Variants in CFAP61 observed in about 807,000 individuals in gnomAD.
CFAP61 encodes cilia and flagella associated protein 61.
CFAP61 carries 107 observed loss-of-function variants against 135.6 expected under a neutral mutation model. The ratio of observed to expected loss-of-function variants is 0.79; its 90% confidence interval spans 0.67 to 0.93. CFAP61 has a LOEUF of 0.93. Among genes scored for constraint, CFAP61 ranks in the 40% least tolerant of loss-of-function variants. The pLI, the probability that CFAP61 is intolerant of heterozygous loss-of-function variation, is 0.00. For missense variants in CFAP61, 1,507 were observed against 1,556.2 expected (o/e 0.97, Z 0.53); for synonymous variants, 575 against 578.5 (o/e 0.99, Z 0.09).
At chr20:20,224,842 C>T (rs1004379884) in intron 17 of CFAP61, among the ~76,000 whole-genome samples, 3 of 152,142 alleles carry the variant, frequency 2.0e-5, no homozygotes, top group Non-Finnish European at 2.9e-5. Context: ...GCTTACAATT[C>T]GCCCTGTTTA....
rs370493968 is a variant in CFAP61 at position 20,088,730 on chromosome 20, C to A, written c.567-2114C>A. Among the ~76,000 whole-genome samples, 35 of 152,282 alleles carry A rather than the reference C, an allele frequency of 2.3e-4. No homozygotes were observed. The East Asian group carries it at 4.8e-3, about 21-fold the overall frequency. The stretch of plus-strand genomic sequence containing the variant: ...CCCTCCCATCCCGAGTTGTCATCTT[C>A]TGTGTGTGTTTTTTCCTCCTTGTAC... On this transcript the variant is annotated intron_variant, in intron 6 of 26. Coordinates refer to ENST00000245957, the MANE Select transcript of CFAP61 (RefSeq NM_015585.4).
intron 1 of CFAP61, chr20:20,055,906 T>C (rs970563899): frequency 1.4e-6 from 2 of 1,441,864 alleles, no homozygotes; most frequent in South Asian, 1.2e-5. Context: ...CTTACAGAAA[T>C]TGAGACAATG....
intron 25 of CFAP61, among the ~76,000 whole-genome samples, chr20:20,324,900 T>C (rs2057687557): frequency 6.6e-6 from 1 of 152,242 alleles, no homozygotes; most frequent in Non-Finnish European, 1.5e-5. Context: ...GTTGCCTGTT[T>C]CTTTTTCATT....
intron 2 of CFAP61, among the ~76,000 whole-genome samples, chr20:20,058,147 G>A (rs954884577): frequency 6.6e-6 from 1 of 152,168 alleles, no homozygotes; most frequent in African/African-American, 2.4e-5. Flanking sequence ...ATTAAAGTTT[G>A]TAGTTTCTAA....
chr20:20,304,314 G>C (rs1271759228), intron 25 of CFAP61, among the ~76,000 whole-genome samples: 2 of 151,868 alleles, frequency 1.3e-5, no homozygotes, highest in Admixed American at 1.3e-4. Flanking sequence ...GAGAGAGAGA[G>C]AGAGAGAGAG....
intron 17 of CFAP61, among the ~76,000 whole-genome samples, chr20:20,220,430 T>C (rs1379167084): frequency 1.3e-5 from 2 of 152,164 alleles, no homozygotes; most frequent in South Asian, 2.1e-4. Flanking sequence ...TAGCAAATTA[T>C]CGAACCTAAG....
chr20:20,342,100 G>C (rs1283038782), intron 26 of CFAP61, among the ~76,000 whole-genome samples, 179 bp downstream of exon 26: 1 of 152,230 alleles, frequency 6.6e-6, no homozygotes, highest in Non-Finnish European at 1.5e-5. Flanking sequence ...TTCAGGGGAA[G>C]TGATTTTATT....
intron 20 of CFAP61, among the ~76,000 whole-genome samples, chr20:20,257,637 A>G (rs1211794966): frequency 6.6e-6 from 1 of 151,610 alleles, no homozygotes; most frequent in African/African-American, 2.4e-5. Context: ...ACAAAAAAAA[A>G]AAAGAAAAAG....
rs1194899925 is a variant in CFAP61, at chr20:20,129,836, T to G, written c.860-13021T>G. Among the ~76,000 whole-genome samples the G allele has an allele frequency of 3.3e-5, 5 of 151,632 alleles. 1 individual carries two copies. Among genetic ancestry groups the G allele is most frequent in the African/African-American group, 9.8e-5 (4 of 40,960 alleles). ...TCCTCTGCTTGATCCATTCTGCTCT[T>G]GAGGGCCTCCAGTGAATTTTTCAGT... On this transcript the variant is annotated intron_variant, in intron 8 of 26. Coordinates refer to ENST00000245957, the MANE Select transcript of CFAP61 (RefSeq NM_015585.4).
At chr20:20,351,148 A>G (rs532603985) in intron 26 of CFAP61, among the ~76,000 whole-genome samples, 1 of 152,350 alleles carries the variant, frequency 6.6e-6, no homozygotes, top group African/African-American at 2.4e-5. Flanking sequence ...TCCAACTAGG[A>G]AAGGAAGAGG....
intron 10 of CFAP61, among the ~76,000 whole-genome samples, chr20:20,159,875 G>T: frequency 6.6e-6 from 1 of 152,184 alleles, no homozygotes; most frequent in East Asian, 1.9e-4. Context: ...CAGGATTTTG[G>T]AAGTCCTCCC....
chr20:20,192,975 C>G (rs899050962), intron 15 of CFAP61, among the ~76,000 whole-genome samples: 1 of 152,040 alleles, frequency 6.6e-6, no homozygotes, highest in East Asian at 1.9e-4. Flanking sequence ...TTAGAGGGCA[C>G]GCTCAGACAC....
At chr20:20,289,036 G>C (rs1299081958) in intron 23 of CFAP61, 100 bp downstream of exon 23, 6 of 860,552 alleles carry the variant, frequency 7.0e-6, no homozygotes, top group Admixed American at 5.4e-5. Context: ...TGGGGAAAAG[G>C]CTCCTCCGTA....
At chr20:20,128,342 C>T (rs1277613393) in intron 8 of CFAP61, among the ~76,000 whole-genome samples, 1 of 151,732 alleles carries the variant, frequency 6.6e-6, no homozygotes, top group Non-Finnish European at 1.5e-5. Flanking sequence ...GGGAACCCAG[C>T]GAGTTCCCAG....
intron 25 of CFAP61, among the ~76,000 whole-genome samples, chr20:20,322,294 A>G (rs1281029469): frequency 6.6e-6 from 1 of 152,196 alleles, no homozygotes; most frequent in Non-Finnish European, 1.5e-5. Flanking sequence ...GTTGTTGCAC[A>G]TTAATACATA....
intron 6 of CFAP61, chr20:20,085,546 T>C (rs765474672): frequency 7.3e-7 from 1 of 1,365,260 alleles, no homozygotes; most frequent in South Asian, 1.1e-5. Flanking sequence ...GGTATGATTA[T>C]GGATAACTTT....
At chr20:20,084,649 C>T (rs902757092) in intron 6 of CFAP61, among the ~76,000 whole-genome samples, 5 of 152,096 alleles carry the variant, frequency 3.3e-5, no homozygotes, top group African/African-American at 7.2e-5. Flanking sequence ...CATCAGGCTG[C>T]GAGGGAGAGT....
chr20:20,090,055 C>T (rs760335413), intron 6 of CFAP61, among the ~76,000 whole-genome samples: 1 of 152,184 alleles, frequency 6.6e-6, no homozygotes, highest in Non-Finnish European at 1.5e-5. Context: ...ATTCTTTGGG[C>T]TGAGAGGATG....
intron 8 of CFAP61, among the ~76,000 whole-genome samples, chr20:20,115,975 CATATGGT>C (rs1313472962): frequency 2.0e-5 from 3 of 152,180 alleles, no homozygotes; most frequent in African/African-American, 7.2e-5. Context: ...ATTGCTGGAT[CATATGGT>C]AGTTGTAGTT....
Sources: gnomAD v4.1 joint callset for allele counts (sites outside exome capture counted in the v4.1 genomes callset) on GRCh38, gnomAD v4.1.1 for gene constraint, MANE v1.5 for transcripts, NCBI Gene and HGNC (gene_info 2026-07-23, HGNC 2026-07-21) for gene names.